Variants in BTBD9 observed in about 807,000 individuals in gnomAD.
BTBD9 encodes BTB domain containing 9.
Under a neutral mutation model 64.3 loss-of-function variants are expected in BTBD9, and 49 were observed. That is an observed-to-expected ratio of 0.76 (90% CI 0.61 to 0.97). BTBD9 has a LOEUF of 0.97. Among genes scored for constraint, BTBD9 ranks in the 50% least tolerant of loss-of-function variants. BTBD9 has a pLI of 0.00. For synonymous variants in BTBD9, 260 were observed against 274.7 expected, an observed-to-expected ratio of 0.95 and a Z score of 0.53; for missense variants, 598 against 762.1, an observed-to-expected ratio of 0.78 and a Z score of 2.53.
intron 2 of BTBD9, among the ~76,000 whole-genome samples, chr6:38,597,677 G>A (rs1025788346): frequency 1.3e-5 from 2 of 152,092 alleles, no homozygotes; most frequent in African/African-American, 4.8e-5. Flanking sequence ...TGGTTGATTG[G>A]GCACTATTTG....
At chr6:38,320,389 C>T (rs766949390) in intron 7 of BTBD9, among the ~76,000 whole-genome samples, 12 of 152,218 alleles carry the variant, frequency 7.9e-5, no homozygotes, top group Non-Finnish European at 1.6e-4. Context: ...TGACACTTTA[C>T]TATAAATATT....
chr6:38,491,041 T>G (rs796339556), intron 6 of BTBD9, among the ~76,000 whole-genome samples: 12 of 152,298 alleles, frequency 7.9e-5, no homozygotes, highest in African/African-American at 2.9e-4. Flanking sequence ...GTACAAGTTT[T>G]GATGTAAAAG....
chr6:38,187,721 T>A (rs1761878989), intron 10 of BTBD9, among the ~76,000 whole-genome samples: 1 of 151,862 alleles, frequency 6.6e-6, no homozygotes, highest in Non-Finnish European at 1.5e-5. Context: ...CAGAAGGAAG[T>A]GGTGGAGTCT....
intron 6 of BTBD9, among the ~76,000 whole-genome samples, chr6:38,347,972 G>A (rs1316557271): frequency 1.3e-5 from 2 of 152,176 alleles, no homozygotes; most frequent in Admixed American, 6.5e-5. Flanking sequence ...GCTCCAGCCT[G>A]GGTGACAGAG....
intron 6 of BTBD9, among the ~76,000 whole-genome samples, chr6:38,567,518 G>A (rs981536287): frequency 2.0e-5 from 3 of 152,078 alleles, no homozygotes; most frequent in Non-Finnish European, 4.4e-5. Context: ...ACCTTTCTTC[G>A]CATCAATAAA....
At chr6:38,255,877 G>A (rs144553013) in intron 9 of BTBD9, among the ~76,000 whole-genome samples, 10 of 152,180 alleles carry the variant, frequency 6.6e-5, no homozygotes, top group Admixed American at 2.0e-4. Context: ...GAGAACACTT[G>A]GACATACGGT....
At chr6:38,624,132 T>G (rs889270403) in intron 1 of BTBD9, among the ~76,000 whole-genome samples, 2 of 152,322 alleles carry the variant, frequency 1.3e-5, no homozygotes, top group South Asian at 4.1e-4. Context: ...ATCAGCACTC[T>G]GTAAAACGCA....
At position 38,537,183 on chromosome 6, in the gene BTBD9, G is replaced by A. The variant is rs376117659; in HGVS notation, c.1154+40417C>T. Among the ~76,000 whole-genome samples, 37 of 152,152 alleles carry A rather than the reference G, an allele frequency of 2.4e-4. No homozygotes were observed. In the South Asian group the frequency reaches 7.7e-3, roughly 32 times the overall value. ...GACTGTAGAATTGTTGCACTGTTTT[G>A]TGTATAGAGAATTATACAGGAATTA... is the stretch of plus-strand genomic sequence containing the variant. On this transcript the variant is annotated intron_variant, in intron 6 of 10. Coordinates refer to ENST00000481247, the MANE Select transcript of BTBD9 (RefSeq NM_001099272.2).
At chr6:38,304,557 A>C (rs1762551570) in intron 7 of BTBD9, among the ~76,000 whole-genome samples, 1 of 139,954 alleles carries the variant, frequency 7.1e-6, no homozygotes, top group Non-Finnish European at 1.6e-5. Flanking sequence ...AAAAACAAAC[A>C]AAAAAAAAAA....
intron 8 of BTBD9, among the ~76,000 whole-genome samples, chr6:38,257,658 A>C (rs916599236): frequency 4.6e-5 from 7 of 152,142 alleles, no homozygotes; most frequent in Non-Finnish European, 8.8e-5. Context: ...CAAAACTTTC[A>C]TTATTTAGAA....
intron 6 of BTBD9, among the ~76,000 whole-genome samples, chr6:38,435,565 T>G (rs1768676000): frequency 6.7e-6 from 1 of 149,840 alleles, no homozygotes; most frequent in South Asian, 2.1e-4. Context: ...TTTTCTTTCT[T>G]TCCTTCTTTC....
At chr6:38,198,270 G>C (rs1487354683) in intron 9 of BTBD9, among the ~76,000 whole-genome samples, 1 of 152,094 alleles carries the variant, frequency 6.6e-6, no homozygotes, top group African/African-American at 2.4e-5. Context: ...TGGGGGAAGT[G>C]GAGTTGGTCC....
intron 6 of BTBD9, among the ~76,000 whole-genome samples, chr6:38,426,225 T>C (rs1413136976): frequency 6.6e-6 from 1 of 151,930 alleles, no homozygotes; most frequent in Non-Finnish European, 1.5e-5. Context: ...CGCATCCACC[T>C]TTAAACACGG....
chr6:38,600,159 C>G (rs1215372069), intron 1 of BTBD9, among the ~76,000 whole-genome samples: 1 of 152,204 alleles, frequency 6.6e-6, no homozygotes, highest in Non-Finnish European at 1.5e-5. Flanking sequence ...GGAAAACTTT[C>G]TATAAAGGGT....
intron 5 of BTBD9, 132 bp from the exon 6 acceptor site, chr6:38,577,851 C>T (rs568723185): frequency 2.9e-4 from 232 of 811,358 alleles, no homozygotes; most frequent in Non-Finnish European, 4.3e-4. Context: ...TAATCAAATT[C>T]TAATAACAAA....
intron 6 of BTBD9, among the ~76,000 whole-genome samples, chr6:38,359,147 A>C (rs2127596965): frequency 6.6e-6 from 1 of 152,340 alleles, no homozygotes; most frequent in South Asian, 2.1e-4. Flanking sequence ...GTTTGCCTGG[A>C]ACTGTCCTGG....
intron 6 of BTBD9, among the ~76,000 whole-genome samples, chr6:38,435,991 A>G (rs925224432): frequency 3.3e-5 from 5 of 151,734 alleles, no homozygotes; most frequent in Admixed American, 1.3e-4. Flanking sequence ...TGGTATAACC[A>G]TAGGCCCAAG....
At chr6:38,408,485 G>A (rs1206107406) in intron 6 of BTBD9, among the ~76,000 whole-genome samples, 3 of 152,136 alleles carry the variant, frequency 2.0e-5, no homozygotes, top group African/African-American at 7.2e-5. Context: ...ATCTGGATAG[G>A]GGATGAACCC....
chr6:38,563,465 G>C (rs550215776), intron 6 of BTBD9, among the ~76,000 whole-genome samples: 2 of 151,930 alleles, frequency 1.3e-5, no homozygotes, highest in African/African-American at 4.8e-5. Flanking sequence ...CTTCCACTTC[G>C]GCCCAACTCA....
Sources: allele counts gnomAD v4.1 joint callset (sites outside exome capture counted in the v4.1 genomes callset), GRCh38; gene constraint gnomAD v4.1.1; transcripts MANE v1.5; gene names NCBI Gene and HGNC (gene_info 2026-07-23, HGNC 2026-07-21).